Variants in TMEM108 observed in about 807,000 individuals in gnomAD.
TMEM108 encodes cancer/testis antigen 124.
In TMEM108, 12 loss-of-function variants were observed where a neutral mutation model predicts 35.1. The observed-to-expected ratio is 0.34, with a 90% CI of 0.22 to 0.55. The LOEUF (loss-of-function observed/expected upper bound fraction) is 0.55. TMEM108 is among the 20% of genes least tolerant of loss of function. The pLI is 0.89. For synonymous variants in TMEM108, 287 were observed against 308.6 expected (o/e 0.93, Z 0.73); for missense variants, 680 against 753.3 (o/e 0.90, Z 1.14).
At chr3:133,180,233 A>G (rs1945312544) in intron 2 of TMEM108, among the ~76,000 whole-genome samples, 1 of 152,128 alleles carries the variant, frequency 6.6e-6, no homozygotes, top group African/African-American at 2.4e-5. Flanking sequence ...TTCTGTGGGA[A>G]TATTGCATTT....
chr3:133,374,213 G>A (rs1478290135), intron 3 of TMEM108, among the ~76,000 whole-genome samples: 1 of 152,130 alleles, frequency 6.6e-6, no homozygotes, highest in Non-Finnish European at 1.5e-5. Context: ...AAAGGGAGGG[G>A]AAACAGACTC....
intron 3 of TMEM108, among the ~76,000 whole-genome samples, chr3:133,243,169 G>A (rs557009283): frequency 6.6e-6 from 1 of 152,060 alleles, no homozygotes; most frequent in Non-Finnish European, 1.5e-5. Context: ...TTGCTGGCCC[G>A]GAGGTCACTA....
At chr3:133,042,247 C>T (rs1943284757) in intron 1 of TMEM108, among the ~76,000 whole-genome samples, 1 of 152,170 alleles carries the variant, frequency 6.6e-6, no homozygotes, top group Non-Finnish European at 1.5e-5. Context: ...TGCAATTACC[C>T]CAGTCACCTG....
chr3:133,299,057 G>A (rs1947183450), intron 3 of TMEM108, among the ~76,000 whole-genome samples: 1 of 152,102 alleles, frequency 6.6e-6, no homozygotes. Flanking sequence ...TTTTTCATGA[G>A]TTTGTTAGTG....
intron 3 of TMEM108, chr3:133,248,012 AGT>A (rs1946411940): frequency 6.6e-6 from 1 of 152,164 alleles, no homozygotes; most frequent in Non-Finnish European, 1.5e-5. Flanking sequence ...ATGAAAAAAT[AGT>A]GTGTTATAGG....
chr3:133,136,309 C>T (rs1421324977), intron 2 of TMEM108, among the ~76,000 whole-genome samples: 1 of 152,114 alleles, frequency 6.6e-6, no homozygotes, highest in African/African-American at 2.4e-5. Context: ...TGTCTAAGAG[C>T]ATCTGTCAAG....
chr3:133,142,112 TG>T (rs914684714), intron 2 of TMEM108, among the ~76,000 whole-genome samples: 2 of 152,130 alleles, frequency 1.3e-5, no homozygotes, highest in Admixed American at 1.3e-4. Context: ...ATATATATTC[TG>T]GGGGGCAAAA....
rs977266827 is a variant in TMEM108, at chr3:133,386,732, C to T, written c.1451-3448C>T. 75 of 1,313,870 alleles carry T rather than the reference C, an allele frequency of 5.7e-5. 1 individual carries two copies. The East Asian group carries it at 1.5e-3, about 25-fold the overall frequency. 81.4% of individuals were successfully genotyped at this position (1,313,870 alleles called of 1,614,324 possible). ...AACATCTTGTGTTTGCATAGAGCTG[C>T]GCAGTTTACAAAACGCTTCTGCATA... On this transcript the variant is annotated intron_variant, in intron 4 of 5. Transcript: ENST00000321871.
At chr3:133,124,485 C>T (rs1297971541) in intron 2 of TMEM108, among the ~76,000 whole-genome samples, 1 of 152,156 alleles carries the variant, frequency 6.6e-6, no homozygotes, top group Admixed American at 6.5e-5. Context: ...TTGCCTCAAG[C>T]CTGTGGACGT....
chr3:133,294,168 C>T lies in TMEM108; in HGVS notation c.40+64817C>T, dbSNP rs141809104. On this transcript the variant is annotated intron_variant, in intron 3 of 5. Transcript: ENST00000321871. ...ATTTTTCATCCTTATAAAAAATGCA[C>T]GGCATCTTCAGGCAGAAAATAAGTG... Among the ~76,000 whole-genome samples the T allele has an allele frequency of 1.1e-4, 17 of 152,206 alleles. No homozygotes were observed. The East Asian group carries it at 1.9e-3, about 17-fold the overall frequency.
At chr3:133,229,222 T>C in intron 2 of TMEM108, 44 bp from the exon 3 acceptor site, 2 of 1,295,596 alleles carry the variant, frequency 1.5e-6, no homozygotes, top group Non-Finnish European at 2.2e-6. Flanking sequence ...GATTTTTAAA[T>C]TATGTTCCTC....
rs139122812 is a variant in TMEM108, at chr3:133,137,210, A to T, written c.-47+91190A>T. ...GTACCTAAATTATCTCATTTAATCT[A>T]TTGTGCAATAAAGGAAACTCAGAGA... On this transcript the variant is annotated intron_variant, in intron 2 of 5. Coordinates refer to ENST00000321871, the MANE Select transcript of TMEM108 (RefSeq NM_023943.4). Among the ~76,000 whole-genome samples the T allele has an allele frequency of 1.2e-4, 18 of 152,304 alleles. No individual in the cohort carries two copies. The East Asian group carries it at 3.5e-3, about 29-fold the overall frequency.
At chr3:133,180,451 G>T (rs1307106585) in intron 2 of TMEM108, among the ~76,000 whole-genome samples, 3 of 151,846 alleles carry the variant, frequency 2.0e-5, no homozygotes, top group African/African-American at 4.8e-5. Context: ...TAATAATAAA[G>T]GGTTTTATTT....
chr3:133,248,286 A>G (rs1380107517), intron 3 of TMEM108: 2 of 152,156 alleles, frequency 1.3e-5, no homozygotes, highest in Non-Finnish European at 2.9e-5. Flanking sequence ...TCATTTTAAT[A>G]CCATGTTACT....
intron 2 of TMEM108, among the ~76,000 whole-genome samples, chr3:133,079,357 A>T (rs1167076989): frequency 1.3e-5 from 2 of 152,176 alleles, no homozygotes; most frequent in African/African-American, 2.4e-5. Flanking sequence ...CAGGTGCCTT[A>T]GTCCGTTTGG....
rs569004250 is a variant in TMEM108 at position 133,198,585 on chromosome 3, G to T, written c.-46-30681G>T. ...AGTTTGGCCAGGGGATCTTACATGT[G>T]AACTGAAGCCTCAATTTTAGACCTT... On this transcript the variant is annotated intron_variant, in intron 2 of 5. Transcript: ENST00000321871. Among the ~76,000 whole-genome samples, 13 of 152,312 alleles carry T rather than the reference G, an allele frequency of 8.5e-5. No homozygotes were observed. In the South Asian group the frequency reaches 2.7e-3, roughly 32 times the overall value.
intron 3 of TMEM108, among the ~76,000 whole-genome samples, chr3:133,342,085 G>T (rs562265316): frequency 6.6e-6 from 1 of 151,842 alleles, no homozygotes; most frequent in South Asian, 2.1e-4. Context: ...AATTAATAAA[G>T]TGAAGAGACA....
At chr3:133,392,589 A>C (rs773993463) in intron 5 of TMEM108, among the ~76,000 whole-genome samples, 2 of 152,070 alleles carry the variant, frequency 1.3e-5, no homozygotes, top group Admixed American at 6.5e-5. Flanking sequence ...TACCTGCTGC[A>C]CATGTCTAAT....
At chr3:133,091,734 G>A (rs1576313707) in intron 2 of TMEM108, among the ~76,000 whole-genome samples, 1 of 152,162 alleles carries the variant, frequency 6.6e-6, no homozygotes, top group African/African-American at 2.4e-5. Context: ...AATCAAACGA[G>A]GCTAGAAGAG....
Sources: gnomAD v4.1 joint callset for allele counts (sites outside exome capture counted in the v4.1 genomes callset) on GRCh38, gnomAD v4.1.1 for gene constraint, MANE v1.5 for transcripts, NCBI Gene and HGNC (gene_info 2026-07-23, HGNC 2026-07-21) for gene names.